The following MTTP variants were observed in gnomAD, a reference collection of about 807,000 sequenced individuals.
The protein encoded by MTTP is microsomal triglyceride transfer protein large subunit.
MTTP carries 49 observed loss-of-function variants against 90.6 expected under a neutral mutation model. The observed-to-expected ratio is 0.54, with a 90% confidence interval of 0.43 to 0.69. The LOEUF is 0.69. MTTP is among the 30% of genes least tolerant of loss of function. The pLI is 0.00. For synonymous variants in MTTP, 347 were observed against 384.2 expected (o/e 0.90, Z 1.13); for missense variants, 945 against 1,067.5 (o/e 0.89, Z 1.60).
chr4:99,619,102 A>G lies in MTTP; in HGVS notation c.2342+4A>G, dbSNP rs756813877. On this transcript the variant is annotated splice_donor_region_variant and intron_variant, in intron 16 of 17. Transcript: ENST00000265517. ...CTAAAACCCGAGTGAAAAATAGGTA[A>G]GTGTTTATGCATTATACATTTATGA... The G allele has an allele frequency of 1.6e-5, 26 of 1,612,098 alleles. No individual in the cohort carries two copies. Among genetic ancestry groups the G allele is most frequent in the Admixed American group, 3.3e-5 (2 of 59,982 alleles).
At position 99,613,081 on chromosome 4, in the gene MTTP, G is replaced by A; in HGVS notation, c.2158G>A (p.Ala720Thr). ...TGATTTGATGTCCAAAATGCTGTCA[G>A]CATCTGGCGACCCTATCAGTGTGGT... ...YSDLMSKMLS[A>T]SGDPISVVKG... Residue 720 changes from alanine (A) to threonine (T), a missense_variant, in exon 15 of 18, where the codon GCA (alanine) becomes ACA (threonine). Transcript: ENST00000265517. 6.2e-7 allele frequency: 1 copy of A among 1,614,068 alleles called. No homozygotes were observed. The highest frequency in any genetic ancestry group is 8.5e-7 in the Non-Finnish European group (1 of 1,179,960).
At chr4:99,598,380 T>G (rs1415539028) in intron 8 of MTTP, among the ~76,000 whole-genome samples, 2 of 152,160 alleles carry the variant, frequency 1.3e-5, no homozygotes, top group Non-Finnish European at 2.9e-5. Flanking sequence ...CAGACATTAC[T>G]GAGAATAAAA....
chr4:99,621,064 G>A lies in MTTP; in HGVS notation c.2346G>A (p.Val782=). 6.2e-7 allele frequency: 1 copy of A among 1,613,934 alleles called. No individual in the cohort carries two copies. Among genetic ancestry groups the A allele is most frequent in the Non-Finnish European group, 8.5e-7 (1 of 1,179,902 alleles). Reference sequence around the variant, plus strand: ...TCTTTTTTTCTCAAATGTTTAGGGTGACTGTGGTAATAACCACTGACATCA... The same window carrying A: ...TCTTTTTTTCTCAAATGTTTAGGGTAACTGTGGTAATAACCACTGACATCA... ...RESKTRVKNR[V]TVVITTDITV... The change falls in exon 17 of 18, where the codon GTG becomes GTA. Residue 782 remains valine, a synonymous_variant. Coordinates refer to ENST00000265517, the MANE Select transcript of MTTP (RefSeq NM_001386140.1).
Position 99,566,117 on chromosome 4 carries a change from G to A in MTTP, c.-102+1880G>A, listed in dbSNP as rs550978406. Among the ~76,000 whole-genome samples, 78 of 151,386 alleles carry A rather than the reference G, an allele frequency of 5.2e-4. No homozygotes were observed. The Middle Eastern group carries it at 0.01, about 20-fold the overall frequency. On this transcript the variant is annotated intron_variant, in intron 1 of 18. Transcript: ENST00000457717. ...ACCCTGGCTAAAACAGTGAAACCCC[G>A]TCTCTGCTGAAAATACAAAAACTTA...
At position 99,601,778 on chromosome 4, in the gene MTTP, A is replaced by G. The variant is rs976969224; in HGVS notation, c.1344+64A>G. ...CACCATTGTCCATTTGATACTCACC[A>G]TGCTGCCTACTATTGGCACTCCTAA... On this transcript the variant is annotated intron_variant, in intron 10 of 17. Coordinates refer to ENST00000265517, the MANE Select transcript of MTTP (RefSeq NM_001386140.1). 12 of 1,241,642 alleles carry G rather than the reference A, an allele frequency of 9.7e-6. No homozygotes were observed. In the Admixed American group the frequency reaches 1.3e-4, roughly 14 times the overall value. The allele number at this position is 1,241,642 out of a possible 1,614,324, so 76.9% of individuals were successfully genotyped here. A position where few individuals can be genotyped will look rare whatever the true frequency, so the allele number is the denominator to read the frequency against.
upstream of MTTP, among the ~76,000 whole-genome samples, chr4:99,571,928 AC>A (rs976926332): frequency 2.6e-5 from 4 of 151,902 alleles, no homozygotes; most frequent in African/African-American, 9.7e-5. Context: ...CTTTCTAAGA[AC>A]AAAGTGTTTC....
intron 1 of MTTP, among the ~76,000 whole-genome samples, chr4:99,580,574 C>CAAAAAAAAAAA (rs563138284): frequency 1.3e-3 from 52 of 39,898 alleles, no homozygotes; most frequent in East Asian, 1.4e-3. Context: ...GACTCTGTCT[C>CAAAAAAAAAAA]AAAAAAAAAA....
chr4:99,612,883 C>G, intron 14 of MTTP, 30 bp from the exon 15 acceptor site: 1 of 1,583,402 alleles, frequency 6.3e-7, no homozygotes, highest in Non-Finnish European at 8.7e-7. Context: ...AGGGAGCTTG[C>G]GTCATGAACA....
At chr4:99,620,951 C>A in intron 16 of MTTP, 110 bp from the exon 17 acceptor site, 1 of 1,045,408 alleles carries the variant, frequency 9.6e-7, no homozygotes, top group South Asian at 1.5e-5. Context: ...TTAAGTGTTT[C>A]CTTCCAGTCA....
chr4:99,620,485 C>T (rs1726203303), intron 16 of MTTP, among the ~76,000 whole-genome samples: 1 of 152,190 alleles, frequency 6.6e-6, no homozygotes, highest in African/African-American at 2.4e-5. Flanking sequence ...CCATATTTTT[C>T]CTCCTAGGAC....
exon 1 of MTTP, chr4:99,564,157 A>G (rs1724594630): frequency 6.5e-7 from 1 of 1,535,470 alleles, no homozygotes; most frequent in Admixed American, 2.0e-5. Flanking sequence ...TGGGAGTGGG[A>G]GGTAGTTACA....
At chr4:99,609,619 C>T (rs1725902330) in intron 12 of MTTP, among the ~76,000 whole-genome samples, 1 of 151,564 alleles carries the variant, frequency 6.6e-6, no homozygotes, top group Non-Finnish European at 1.5e-5. Context: ...GAACACTACC[C>T]CCACGAAAGA....
At chr4:99,583,677 A>G in intron 3 of MTTP, 160 bp downstream of exon 3, 1 of 897,708 alleles carries the variant, frequency 1.1e-6, no homozygotes, top group Non-Finnish European at 1.8e-6. Flanking sequence ...ATGTTTCCAA[A>G]CTGAATCAAT....
chr4:99,577,119 T>C (rs563887505), intron 1 of MTTP, among the ~76,000 whole-genome samples: 1 of 152,320 alleles, frequency 6.6e-6, no homozygotes, highest in South Asian at 2.1e-4. Flanking sequence ...CATGATTTAA[T>C]TATAGATTCT....
intron 5 of MTTP, 112 bp from the exon 6 acceptor site, chr4:99,591,539 A>G (rs1725420873): frequency 4.1e-6 from 5 of 1,227,164 alleles, no homozygotes; most frequent in Middle Eastern, 2.6e-4. Context: ...GTAATGAGGG[A>G]TGGGTGTAAT....
upstream of MTTP, among the ~76,000 whole-genome samples, chr4:99,572,421 A>T (rs983467953): frequency 3.3e-5 from 5 of 151,854 alleles, no homozygotes; most frequent in African/African-American, 4.8e-5. Context: ...TAAGAAATCA[A>T]TTTTTTTCTC....
intron 15 of MTTP, among the ~76,000 whole-genome samples, chr4:99,614,798 C>T (rs887557112): frequency 6.6e-6 from 1 of 152,178 alleles, no homozygotes; most frequent in South Asian, 2.1e-4. Flanking sequence ...TGGACCAAAA[C>T]GGTGTTACAT....
chr4:99,620,400 A>T (rs1726200972), intron 16 of MTTP, among the ~76,000 whole-genome samples: 1 of 152,210 alleles, frequency 6.6e-6, no homozygotes. Flanking sequence ...TATCCTCTTC[A>T]TCATTATCCA....
Position 99,597,134 on chromosome 4 carries a change from T to C in MTTP, c.977T>C (p.Val326Ala), listed in dbSNP as rs1347673201. 6.2e-7 allele frequency: 1 copy of C among 1,614,020 alleles called. No individual in the cohort carries two copies. The highest frequency in any genetic ancestry group is 1.7e-5 in the Admixed American group (1 of 60,014). ...GACAACCTTTCCAAGGCTGAGGCTG[T>C]CAGAAACTTCCTGGCCTTCATTCAG... ...QPDNLSKAEA[V>A]RNFLAFIQHL... The change falls in exon 8 of 18, where the codon GTC (valine) becomes GCC (alanine). Residue 326 changes from valine (V) to alanine (A), a missense_variant. Coordinates refer to ENST00000265517, the MANE Select transcript of MTTP (RefSeq NM_001386140.1).
Sources: gnomAD v4.1 joint callset for allele counts (sites outside exome capture counted in the v4.1 genomes callset) on GRCh38, gnomAD v4.1.1 for gene constraint, MANE v1.5 for transcripts, NCBI Gene and HGNC (gene_info 2026-07-23, HGNC 2026-07-21) for gene names.